The following PAPOLG variants were observed in gnomAD, a reference collection of about 807,000 sequenced individuals.
The protein encoded by PAPOLG is PAP-gamma.
PAPOLG carries 40 observed loss-of-function variants against 99.0 expected under a neutral mutation model. That is an observed-to-expected ratio of 0.40 (90% CI 0.31 to 0.53). The LOEUF (loss-of-function observed/expected upper bound fraction) is 0.53. PAPOLG is among the 20% of genes least tolerant of loss of function. PAPOLG has a pLI of 0.41. For synonymous variants in PAPOLG, 310 were observed against 299.3 expected (o/e 1.04, Z -0.37); for missense variants, 675 against 884.1 (o/e 0.76, Z 3.00).
chr2:60,756,922 C>T (rs1416701754), intron 1 of PAPOLG, among the ~76,000 whole-genome samples: 1 of 152,016 alleles, frequency 6.6e-6, no homozygotes, highest in Non-Finnish European at 1.5e-5. Flanking sequence ...AGTGAAAGAC[C>T]TATCGCAGCC....
intron 8 of PAPOLG, 136 bp downstream of exon 8, chr2:60,775,259 T>G (rs544506360): frequency 9.3e-7 from 1 of 1,077,008 alleles, no homozygotes; most frequent in East Asian, 2.6e-5. Context: ...TAATAGCTAT[T>G]TGCTTTTCAA....
chr2:60,756,620 T>A lies in PAPOLG; in HGVS notation c.17+125T>A. 4 of 1,062,494 alleles carry A rather than the reference T, an allele frequency of 3.8e-6. No individual in the cohort carries two copies. The South Asian group carries it at 6.6e-5, about 17-fold the overall frequency. 65.8% of individuals were successfully genotyped at this position (1,062,494 alleles called of 1,614,324 possible). On this transcript the variant is annotated intron_variant, in intron 1 of 21. Transcript: ENST00000238714. The stretch of plus-strand genomic sequence containing the variant: ...ACGCAGCTCGCCGGGATGGTCTCCT[T>A]CCCGGCTCCCGGCCGGTCCGCAAGG...
chr2:60,795,223 G>T (rs1671660119), intron 21 of PAPOLG: 2 of 658,956 alleles, frequency 3.0e-6, no homozygotes, highest in Non-Finnish European at 5.5e-6. Context: ...TAAAAAAGAG[G>T]CAGTAGTTTA....
chr2:60,786,160 TA>T (rs1671355786), intron 13 of PAPOLG, among the ~76,000 whole-genome samples: 1 of 152,184 alleles, frequency 6.6e-6, no homozygotes, highest in African/African-American at 2.4e-5. Context: ...TTAAAGTTGA[TA>T]TAAAATCAAT....
chr2:60,786,650 T>C (rs1302834319), intron 13 of PAPOLG, among the ~76,000 whole-genome samples: 1 of 152,106 alleles, frequency 6.6e-6, no homozygotes, highest in East Asian at 1.9e-4. Flanking sequence ...TGCTTCAGCC[T>C]CCCAAGTAGC....
intron 9 of PAPOLG, 103 bp downstream of exon 9, chr2:60,779,878 C>T (rs1671137558): frequency 2.0e-6 from 2 of 1,000,352 alleles, no homozygotes; most frequent in Non-Finnish European, 2.8e-6. Context: ...TGTTGTTTTA[C>T]ATTGCTTTGT....
chr2:60,787,607 A>T lies in PAPOLG; in HGVS notation c.1383A>T (p.Ser461=), dbSNP rs1186234041. 1.2e-6 allele frequency: 2 copies of T among 1,613,516 alleles called. No homozygotes were observed. Among genetic ancestry groups the T allele is most frequent in the Admixed American group, 3.3e-5 (2 of 59,910 alleles). ...VNIDLTYDIQ[S]FTDTVYRQAN... Reference sequence around the variant, plus strand: ...TAGACTTGACATATGATATACAGTCATTTACTGATACAGGTAAGACTCCAT... The same window carrying T: ...TAGACTTGACATATGATATACAGTCTTTTACTGATACAGGTAAGACTCCAT... Residue 461 remains serine (S), a synonymous_variant, in exon 15 of 22, where the codon TCA becomes TCT. Coordinates refer to ENST00000238714, the MANE Select transcript of PAPOLG (RefSeq NM_022894.4).
chr2:60,794,220 G>A, intron 19 of PAPOLG, 29 bp downstream of exon 19: 1 of 1,586,840 alleles, frequency 6.3e-7, no homozygotes, highest in Non-Finnish European at 8.6e-7. Context: ...TGGTAATTCA[G>A]TAGTTGATAT....
chr2:60,758,510 C>T (rs986457688), intron 1 of PAPOLG, among the ~76,000 whole-genome samples: 3 of 148,798 alleles, frequency 2.0e-5, no homozygotes, highest in Non-Finnish European at 4.4e-5. Flanking sequence ...TCACTGCAAC[C>T]TTCGTCTCCT....
rs1474794712 is a variant in PAPOLG at position 60,771,296 on chromosome 2, A to G, written c.493-223A>G. On this transcript the variant is annotated intron_variant, in intron 6 of 21. Transcript: ENST00000238714. The stretch of plus-strand genomic sequence containing the variant: ...TTTGATTTTTTTTTCTGCTTGGCAT[A>G]TATGTTAACATTTAAATGCTTTCAT... 3.3e-5 allele frequency among the ~76,000 whole-genome samples: 5 copies of G among 152,028 alleles called. No individual in the cohort carries two copies. In the East Asian group the frequency reaches 7.7e-4, roughly 23 times the overall value.
At chr2:60,795,421 C>A in intron 21 of PAPOLG, 1 of 372,924 alleles carries the variant, frequency 2.7e-6, no homozygotes, top group Non-Finnish European at 5.3e-6. Flanking sequence ...TTTAGAGGAA[C>A]CAAATGTAGT....
intron 3 of PAPOLG, among the ~76,000 whole-genome samples, chr2:60,762,202 CCT>C (rs983854393): frequency 2.6e-5 from 4 of 152,082 alleles, no homozygotes; most frequent in Non-Finnish European, 5.9e-5. Context: ...CCCACCACTC[CCT>C]GTTTTCTTTG....
Position 60,798,856 on chromosome 2 carries a change from GAA to G in PAPOLG, c.*1699_*1700del, listed in dbSNP as rs776317747. 6.6e-6 allele frequency: 1 copy of G among 152,276 alleles called. No individual in the cohort carries two copies. The highest frequency in any genetic ancestry group is 6.5e-5 in the Admixed American group (1 of 15,274). The allele number at this position is 152,276 out of a possible 1,614,324, so 9.4% of individuals were successfully genotyped here. ...GTTTACCTTGTACCATGGAAAACAT[GAA>G]AAGAGTCTTAGAAGTAAAGAACAAC... On this transcript the variant is annotated 3_prime_UTR_variant, in exon 22 of 22. Coordinates refer to ENST00000238714, the MANE Select transcript of PAPOLG (RefSeq NM_022894.4).
At chr2:60,766,895 A>G (rs200632741) in intron 3 of PAPOLG, among the ~76,000 whole-genome samples, 1 of 152,184 alleles carries the variant, frequency 6.6e-6, no homozygotes, top group Non-Finnish European at 1.5e-5. Flanking sequence ...CAACAGGCCC[A>G]AGGATCCTTA....
At chr2:60,774,573 C>G (rs759123478) in intron 7 of PAPOLG, among the ~76,000 whole-genome samples, 9 of 152,106 alleles carry the variant, frequency 5.9e-5, no homozygotes, top group Non-Finnish European at 2.9e-5. Flanking sequence ...ACCATTTTGG[C>G]CAGACTGGTC....
rs190722420 is a variant in PAPOLG at position 60,796,243 on chromosome 2, A to T, written c.2113-819A>T. On this transcript the variant is annotated intron_variant, in intron 21 of 21. Coordinates refer to ENST00000238714, the MANE Select transcript of PAPOLG (RefSeq NM_022894.4). ...TTTTTTTTTTTTTTTTTGGACATGG[A>T]GGCTCGCTCTGTAGCCCAGGTTGGA... is the stretch of plus-strand genomic sequence containing the variant. 1.1e-3 allele frequency among the ~76,000 whole-genome samples: 104 copies of T among 97,416 alleles called. 1 individual carries two copies. The highest frequency in any genetic ancestry group is 4.1e-3 in the African/African-American group (100 of 24,584). The allele number at this position is 97,416 out of a possible 152,430, so 63.9% of individuals were successfully genotyped here.
At chr2:60,786,871 G>A in intron 13 of PAPOLG, 76 bp from the exon 14 acceptor site, 1 of 1,520,700 alleles carries the variant, frequency 6.6e-7, no homozygotes, top group Non-Finnish European at 8.9e-7. Flanking sequence ...TAGTTAATAT[G>A]CTGTTTGGTT....
intron 7 of PAPOLG, 58 bp from the exon 8 acceptor site, chr2:60,774,976 A>G (rs1035135833): frequency 2.5e-6 from 4 of 1,605,492 alleles, no homozygotes; most frequent in Non-Finnish European, 3.4e-6. Context: ...TTAGGAGGGC[A>G]TTTGAATTAA....
At position 60,780,792 on chromosome 2, in the gene PAPOLG, T is replaced by C. The variant is rs1438328894; in HGVS notation, c.906+13T>C. 6 of 1,585,946 alleles carry C rather than the reference T, an allele frequency of 3.8e-6. No individual in the cohort carries two copies. Among genetic ancestry groups the C allele is most frequent in the Non-Finnish European group, 5.2e-6 (6 of 1,154,570 alleles). On this transcript the variant is annotated intron_variant, in intron 10 of 21. Transcript: ENST00000238714. ...CTGGGATCCTCGGGTATGTGATTTA[T>C]TATGGAGTTTCTTTAAAGCTTTTAA...
Sources: allele counts gnomAD v4.1 joint callset (sites outside exome capture counted in the v4.1 genomes callset), GRCh38; gene constraint gnomAD v4.1.1; transcripts MANE v1.5; gene names NCBI Gene and HGNC (gene_info 2026-07-23, HGNC 2026-07-21).